Variants in EPB41L1 observed in about 807,000 individuals in gnomAD.
EPB41L1 encodes the protein erythrocyte membrane protein band 4.1 like 1.
EPB41L1 carries 29 observed loss-of-function variants against 97.8 expected under a neutral mutation model. That is an observed-to-expected ratio of 0.30 (90% CI 0.22 to 0.40). The LOEUF (loss-of-function observed/expected upper bound fraction) is 0.40, where lower values mean the gene tolerates loss of function less well. EPB41L1 is among the 10% of genes least tolerant of loss of function. The pLI is 1.00. For missense variants in EPB41L1, 812 were observed against 1,162.3 expected (o/e 0.70, Z 4.38); for synonymous variants, 383 against 459.2 (o/e 0.83, Z 2.12).
At chr20:36,133,065 T>C (rs2059281084) in intron 2 of EPB41L1, among the ~76,000 whole-genome samples, 1 of 152,256 alleles carries the variant, frequency 6.6e-6, no homozygotes, top group South Asian at 2.1e-4. Flanking sequence ...GTGACTAATT[T>C]TATCCCTAAT....
chr20:36,142,153 T>C (rs1156880080), intron 2 of EPB41L1, among the ~76,000 whole-genome samples: 2 of 152,060 alleles, frequency 1.3e-5, no homozygotes, highest in Non-Finnish European at 2.9e-5. Flanking sequence ...AAAACGTATT[T>C]TGTAGAAATT....
chr20:36,147,848 T>TGAC (rs1255006983), intron 2 of EPB41L1, among the ~76,000 whole-genome samples: 1 of 152,172 alleles, frequency 6.6e-6, no homozygotes, highest in African/African-American at 2.4e-5. Flanking sequence ...AAACCTCAGC[T>TGAC]GACACTTCAG....
chr20:36,124,044 C>T (rs537790662), intron 2 of EPB41L1, among the ~76,000 whole-genome samples: 1 of 151,898 alleles, frequency 6.6e-6, no homozygotes, highest in Non-Finnish European at 1.5e-5. Flanking sequence ...GTCAGGAGAT[C>T]GAGACCATCC....
intron 1 of EPB41L1, among the ~76,000 whole-genome samples, chr20:36,159,831 C>CTGT (rs764271769): frequency 1.3e-5 from 2 of 152,242 alleles, no homozygotes; most frequent in Non-Finnish European, 2.9e-5. Flanking sequence ...AGTCTTCTTT[C>CTGT]TGTTTTTACT....
chr20:36,219,982 G>A, intron 19 of EPB41L1, 138 bp downstream of exon 19: 1 of 832,576 alleles, frequency 1.2e-6, no homozygotes, highest in South Asian at 1.4e-5. Flanking sequence ...GGAATACTGT[G>A]CGCTTTGTCC....
intron 2 of EPB41L1, among the ~76,000 whole-genome samples, chr20:36,124,987 G>A (rs1309442284): frequency 6.6e-6 from 1 of 152,124 alleles, no homozygotes; most frequent in Non-Finnish European, 1.5e-5. Flanking sequence ...CAGATCTTGG[G>A]GGTCCCTGAT....
chr20:36,164,885 G>A (rs1342404506), intron 1 of EPB41L1, among the ~76,000 whole-genome samples: 2 of 151,806 alleles, frequency 1.3e-5, no homozygotes, highest in Non-Finnish European at 2.9e-5. Context: ...AGGGTTTCAC[G>A]ATATTGGTTA....
intron 14 of EPB41L1, among the ~76,000 whole-genome samples, chr20:36,203,766 C>T (rs1219778449): frequency 6.6e-6 from 1 of 152,188 alleles, no homozygotes; most frequent in Non-Finnish European, 1.5e-5. Flanking sequence ...CCTAGACCTT[C>T]CCCCCTTCCT....
chr20:36,106,907 A>G (rs1004276146), intron 1 of EPB41L1, among the ~76,000 whole-genome samples: 5 of 151,702 alleles, frequency 3.3e-5, no homozygotes, highest in Non-Finnish European at 1.5e-5. Flanking sequence ...GGCTCAAGCG[A>G]TTCTCCTTCC....
intron 21 of EPB41L1, among the ~76,000 whole-genome samples, chr20:36,226,727 C>T (rs2147192347): frequency 6.6e-6 from 1 of 152,296 alleles, no homozygotes; most frequent in Non-Finnish European, 1.5e-5. Context: ...ATGCTGCACG[C>T]AGGGACTGTG....
chr20:36,226,800 C>T (rs2064183408), intron 21 of EPB41L1, among the ~76,000 whole-genome samples: 1 of 152,208 alleles, frequency 6.6e-6, no homozygotes. Context: ...GTCTTTGGTA[C>T]TTCTGAAGTG....
rs1442456845 is a variant in EPB41L1, at chr20:36,093,486, C to T, written c.-65+1874C>T. On this transcript the variant is annotated intron_variant, in intron 1 of 19. Transcript: ENST00000202028. This position sits in a 1 kb window ranked among gnomAD's most constrained non-coding sequence, Gnocchi z 5.4. ...GGGGCGGCGGTCCAGGCGCCGCCGCCGCTGGGAGCTGGGCACCTGGCCTGG... is the reference window on the plus strand; with the variant it reads ...GGGGCGGCGGTCCAGGCGCCGCCGCTGCTGGGAGCTGGGCACCTGGCCTGG... Among the ~76,000 whole-genome samples the T allele has an allele frequency of 6.6e-6, 1 of 151,790 alleles. No individual in the cohort carries two copies. Among genetic ancestry groups the T allele is most frequent in the Admixed American group, 6.6e-5 (1 of 15,264 alleles).
At chr20:36,125,227 A>G (rs960686551) in intron 2 of EPB41L1, among the ~76,000 whole-genome samples, 1 of 152,146 alleles carries the variant, frequency 6.6e-6, no homozygotes, top group Non-Finnish European at 1.5e-5. Context: ...ACAGGCCCAG[A>G]AGGAGGGGAC....
chr20:36,165,898 G>A (rs1052655738), intron 1 of EPB41L1, among the ~76,000 whole-genome samples: 3 of 152,254 alleles, frequency 2.0e-5, no homozygotes, highest in African/African-American at 7.2e-5. Flanking sequence ...TTGCTGGAAT[G>A]CCATACAGTG....
chr20:36,102,041 AAAAC>A (rs1264187422), intron 1 of EPB41L1, among the ~76,000 whole-genome samples: 1 of 88,028 alleles, frequency 1.1e-5, no homozygotes, highest in East Asian at 3.1e-4. Context: ...CAAAACAAAA[AAAAC>A]AAAAAAACCC....
chr20:36,094,399 C>G (rs1297687975), intron 1 of EPB41L1, among the ~76,000 whole-genome samples: 1 of 152,072 alleles, frequency 6.6e-6, no homozygotes, highest in Non-Finnish European at 1.5e-5. Flanking sequence ...TTTCAGATAC[C>G]GGTACTGAAA....
Position 36,209,475 on chromosome 20 carries a change from T to C in EPB41L1, c.1669-13T>C, listed in dbSNP as rs770361089. 3 of 1,612,688 alleles carry C rather than the reference T, an allele frequency of 1.9e-6. No homozygotes were observed. The highest frequency in any genetic ancestry group is 1.7e-5 in the Admixed American group (1 of 59,958). ...CCCCACATCCCCATTCTTTTGATTT[T>C]ATCTGGCCATAGAGAGCAGGGCTGA... On this transcript the variant is annotated splice_polypyrimidine_tract_variant and intron_variant, in intron 14 of 21. Transcript: ENST00000338074. This position sits in a 1 kb window ranked among gnomAD's most constrained non-coding sequence, Gnocchi z 4.2.
intron 1 of EPB41L1, among the ~76,000 whole-genome samples, chr20:36,163,447 GCTTCCTGACGGTTCCCTTGC>G (rs2060612985): frequency 6.6e-6 from 1 of 152,156 alleles, no homozygotes; most frequent in African/African-American, 2.4e-5. Flanking sequence ...AGGTTAAGGG[GCTTCCTGACGGTTCCCTTGC>G]CTTCCTTGAC....
At chr20:36,215,680 A>C (rs2063400346) in intron 17 of EPB41L1, among the ~76,000 whole-genome samples, 1 of 152,190 alleles carries the variant, frequency 6.6e-6, no homozygotes, top group Non-Finnish European at 1.5e-5. Flanking sequence ...TATGGTGAGC[A>C]GGCACTTATA....
Sources: gnomAD v4.1 joint callset for allele counts (sites outside exome capture counted in the v4.1 genomes callset) on GRCh38, gnomAD v4.1.1 for gene constraint, Gnocchi (gnomAD v3.1) non-coding constraint, MANE v1.5 for transcripts, NCBI Gene and HGNC (gene_info 2026-07-23, HGNC 2026-07-21) for gene names.